UACA: variants seen among roughly 807,000 people sequenced by gnomAD.
UACA encodes nuclear membrane binding protein.
Under a neutral mutation model 160.5 loss-of-function variants are expected in UACA, and 112 were observed. The ratio of observed to expected loss-of-function variants is 0.70; its 90% CI spans 0.60 to 0.82. The LOEUF (loss-of-function observed/expected upper bound fraction) is 0.82. Ranked by LOEUF, UACA falls within the 40% of genes least tolerant of loss-of-function variation. The pLI, the probability that UACA is intolerant of heterozygous loss-of-function variation, is 0.00. For missense variants in UACA, 1,574 were observed against 1,614.6 expected (o/e 0.97, Z 0.43); for synonymous variants, 557 against 568.4 (o/e 0.98, Z 0.29).
chr15:70,719,432 A>G (rs556290519), intron 1 of UACA, among the ~76,000 whole-genome samples: 1 of 152,224 alleles, frequency 6.6e-6, no homozygotes. Flanking sequence ...CAGACTAAGA[A>G]TGTGGACCCA....
At chr15:70,683,231 T>C (rs944283694) in intron 8 of UACA, among the ~76,000 whole-genome samples, 3 of 152,038 alleles carry the variant, frequency 2.0e-5, no homozygotes, top group East Asian at 3.9e-4. Flanking sequence ...TGGTGGTACA[T>C]GCCTGTAGTC....
intron 1 of UACA, chr15:70,758,617 A>C (rs2030566751): frequency 6.6e-6 from 1 of 152,242 alleles, no homozygotes; most frequent in African/African-American, 2.4e-5. Flanking sequence ...CTTTCTAAAC[A>C]TCTCAAACTA....
chr15:70,666,698 A>G (rs1452902079), intron 16 of UACA, 26 bp downstream of exon 16: 3 of 1,544,942 alleles, frequency 1.9e-6, no homozygotes, highest in Non-Finnish European at 2.6e-6. Context: ...TCCAACACAT[A>G]GCCGTGCAGA....
At chr15:70,681,144 A>G (rs1897488056) in intron 9 of UACA, among the ~76,000 whole-genome samples, 1 of 152,140 alleles carries the variant, frequency 6.6e-6, no homozygotes, top group Non-Finnish European at 1.5e-5. Context: ...TCTTCACAGC[A>G]TCTGCTATGA....
intron 1 of UACA, chr15:70,701,801 A>T: frequency 2.3e-6 from 3 of 1,325,516 alleles, no homozygotes; most frequent in Non-Finnish European, 3.2e-6. Context: ...ATAAAACAGT[A>T]GTGCATTTTA....
Position 70,656,774 on chromosome 15 carries a change from G to A in UACA, c.*282C>T, listed in dbSNP as rs534898579. Reference sequence around the variant, plus strand: ...ATATGGACTCACTCAGATGGCTCATGTTTTATTAGGGACTTGAAGGTTTAA... The same window carrying A: ...ATATGGACTCACTCAGATGGCTCATATTTTATTAGGGACTTGAAGGTTTAA... On this transcript the variant is annotated 3_prime_UTR_variant, in exon 19 of 19. Transcript: ENST00000322954. 2.2e-4 allele frequency: 61 copies of A among 281,194 alleles called. 1 individual carries two copies. Among genetic ancestry groups the A allele is most frequent in the Non-Finnish European group, 3.1e-4 (46 of 149,692 alleles). The allele number at this position is 281,194 out of a possible 1,614,324, so 17.4% of individuals were successfully genotyped here. A position where few individuals can be genotyped will look rare whatever the true frequency, so the allele number is the denominator to read the frequency against.
intron 1 of UACA, among the ~76,000 whole-genome samples, chr15:70,717,181 A>ATT (rs1473057355): frequency 6.6e-6 from 1 of 152,194 alleles, no homozygotes; most frequent in Admixed American, 6.5e-5. Context: ...AGATCACACT[A>ATT]TTGCACTCCA....
chr15:70,699,987 C>T (rs1898285196), intron 1 of UACA, among the ~76,000 whole-genome samples: 1 of 152,074 alleles, frequency 6.6e-6, no homozygotes, highest in South Asian at 2.1e-4. Context: ...GTACCAGGCA[C>T]TAAAGTCCCA....
chr15:70,739,458 G>C (rs2141000876), intron 1 of UACA, among the ~76,000 whole-genome samples: 1 of 152,160 alleles, frequency 6.6e-6, no homozygotes, highest in East Asian at 1.9e-4. Flanking sequence ...CTGTTATAAA[G>C]GGATGAATAA....
Position 70,678,107 on chromosome 15 carries a change from G to T in UACA, c.991C>A (p.Leu331Met). Residue 331 changes from leucine (L) to methionine (M), a missense_variant, in exon 11 of 19, where the codon CTG becomes ATG. Transcript: ENST00000322954. ...TATGCAGATTTATTTACCTCATTCAGCTGTAACTGTAAACCATTGACTTTA... is the reference window on the plus strand; with the variant it reads ...TATGCAGATTTATTTACCTCATTCATCTGTAACTGTAAACCATTGACTTTA... ...LDKVNGLQLQ[L>M]NEEVMVADDL... is the part of the protein sequence containing the mutation. 1 of 1,593,386 alleles carries T rather than the reference G, an allele frequency of 6.3e-7. No individual in the cohort carries two copies. Among genetic ancestry groups the T allele is most frequent in the Non-Finnish European group, 8.5e-7 (1 of 1,171,496 alleles).
intron 16 of UACA, 46 bp downstream of exon 16, chr15:70,666,658 TTCTGTGGTAAAGAGCACTGC>T: frequency 7.7e-7 from 1 of 1,293,372 alleles, no homozygotes; most frequent in Non-Finnish European, 1.0e-6. Flanking sequence ...TCCTGTGAGA[TTCTGTGGTAAAGAGCACTGC>T]TCTGGGGTTT....
chr15:70,753,659 T>C (rs1016676781), intron 1 of UACA, among the ~76,000 whole-genome samples: 1 of 152,226 alleles, frequency 6.6e-6, no homozygotes, highest in Non-Finnish European at 1.5e-5. Context: ...CTTAGAACAA[T>C]GCCTGGGAAA....
intron 17 of UACA, chr15:70,661,019 C>CAT (rs1378521998): frequency 6.6e-6 from 1 of 152,222 alleles, no homozygotes; most frequent in Non-Finnish European, 1.5e-5. Context: ...GATCTTGGAA[C>CAT]ATACCCTCAG....
In UACA at chr15:70,677,159, C is replaced by T; in HGVS notation, c.1000-19G>A. ...TAACTTCCTAAATTTAAAAAGAACA[C>T]AAAATATTTTAATTCTTAAAAGCCT... On this transcript the variant is annotated intron_variant, in intron 11 of 18. Coordinates refer to ENST00000322954, the MANE Select transcript of UACA (RefSeq NM_018003.4). 6.3e-7 allele frequency: 1 copy of T among 1,582,688 alleles called. No individual in the cohort carries two copies. The highest frequency in any genetic ancestry group is 8.6e-7 in the Non-Finnish European group (1 of 1,158,790).
At chr15:70,751,954 G>A (rs1438059354) in intron 1 of UACA, among the ~76,000 whole-genome samples, 8 of 152,076 alleles carry the variant, frequency 5.3e-5, no homozygotes, top group Non-Finnish European at 1.2e-4. Context: ...CCTCTAACAT[G>A]GCCGGGCACA....
chr15:70,773,951 C>G, the UACA span, among the ~76,000 whole-genome samples: 5 of 152,248 alleles, frequency 3.3e-5, no homozygotes, highest in East Asian at 7.7e-4. Context: ...TCTAAGCCAT[C>G]AAATAGTAAC....
At position 70,657,073 on chromosome 15, in the gene UACA, GC is replaced by G; in HGVS notation, c.4233del (p.Gln1412ArgfsTer8). On this transcript the variant is annotated frameshift_variant, in exon 19 of 19. Coordinates refer to ENST00000322954, the MANE Select transcript of UACA (RefSeq NM_018003.4). LOFTEE classifies it high-confidence loss of function. ...GCTAACGGCTAGCACACAAGCCCCT[GC>G]CGCATTTGTATGATCTGGAGCAGAG... ...QEALLQIIQMRQGLVC is the reference protein window; with the variant it reads ...QEALLQIIQMXQGLVC 1 of 1,614,088 alleles carries G rather than the reference GC, an allele frequency of 6.2e-7. No individual in the cohort carries two copies. Among genetic ancestry groups the G allele is most frequent in the Non-Finnish European group, 8.5e-7 (1 of 1,179,962 alleles).
At chr15:70,691,685 A>AAGGGAAAGG (rs1332017507) in intron 3 of UACA, among the ~76,000 whole-genome samples, 1 of 152,226 alleles carries the variant, frequency 6.6e-6, no homozygotes, top group East Asian at 1.9e-4. Flanking sequence ...GCACAGAGAA[A>AAGGGAAAGG]AGGGAAAGGA....
intron 7 of UACA, among the ~76,000 whole-genome samples, chr15:70,685,555 G>GA (rs1897681825): frequency 2.0e-5 from 3 of 151,600 alleles, no homozygotes. Context: ...TATAAAACAG[G>GA]AAAAAAAGAA....
Sources: gnomAD v4.1 joint callset for allele counts (sites outside exome capture counted in the v4.1 genomes callset) on GRCh38, gnomAD v4.1.1 for gene constraint, MANE v1.5 for transcripts, NCBI Gene and HGNC (gene_info 2026-07-23, HGNC 2026-07-21) for gene names.